The following USP34 variants were observed in gnomAD, a reference collection of about 807,000 sequenced individuals.
USP34 encodes ubiquitin specific peptidase 34.
Under a neutral mutation model 460.3 loss-of-function variants are expected in USP34, and 70 were observed. The observed-to-expected ratio is 0.15, with a 90% CI of 0.13 to 0.19. The LOEUF is 0.19. Among genes scored for constraint, USP34 ranks in the 10% least tolerant of loss-of-function variants. USP34 has a pLI of 1.00. For missense variants in USP34, 3,985 were observed against 4,236.2 expected (o/e 0.94, Z 1.65); for synonymous variants, 1,647 against 1,405.3 (o/e 1.17, Z -3.85).
At chr2:61,348,620 C>G (rs978365850) in intron 14 of USP34, 136 bp downstream of exon 14, 1 of 1,440,186 alleles carries the variant, frequency 6.9e-7, no homozygotes, top group Admixed American at 2.7e-5. Flanking sequence ...GAATTAAAAA[C>G]TCAAAGGATG....
chr2:61,397,521 T>G (rs1693572714), intron 3 of USP34, among the ~76,000 whole-genome samples: 2 of 151,784 alleles, frequency 1.3e-5, no homozygotes, highest in Non-Finnish European at 2.9e-5. Flanking sequence ...ATCCCAGCAC[T>G]TTGGGAGGCC....
At chr2:61,251,696 C>G (rs1042375684) in intron 48 of USP34, among the ~76,000 whole-genome samples, 1 of 152,032 alleles carries the variant, frequency 6.6e-6, no homozygotes, top group Non-Finnish European at 1.5e-5. Flanking sequence ...CAGCTTTATT[C>G]TAAGCAAATT....
chr2:61,411,656 T>C (rs1694043566), intron 2 of USP34, among the ~76,000 whole-genome samples: 2 of 152,090 alleles, frequency 1.3e-5, no homozygotes, highest in Non-Finnish European at 2.9e-5. Context: ...CCTTCTAGAG[T>C]GTTCTTAGTT....
intron 3 of USP34, among the ~76,000 whole-genome samples, chr2:61,399,175 C>T (rs933857915): frequency 6.6e-6 from 1 of 151,870 alleles, no homozygotes; most frequent in Non-Finnish European, 1.5e-5. Context: ...ATGGTCTCTA[C>T]TAAAACTACA....
intron 27 of USP34, among the ~76,000 whole-genome samples, chr2:61,310,041 AAAAAC>A (rs1431631660): frequency 1.3e-5 from 2 of 152,220 alleles, no homozygotes; most frequent in African/African-American, 4.8e-5. Context: ...AGAACACTAA[AAAAAC>A]AAATTCAAAA....
intron 20 of USP34, among the ~76,000 whole-genome samples, chr2:61,326,092 CAA>C (rs767773814): frequency 2.6e-5 from 4 of 151,856 alleles, no homozygotes; most frequent in Non-Finnish European, 1.5e-5. Context: ...TGGTCGGCCC[CAA>C]AGTCAGAAAG....
chr2:61,461,303 G>C (rs1174908542), intron 1 of USP34, among the ~76,000 whole-genome samples: 3 of 150,928 alleles, frequency 2.0e-5, no homozygotes, highest in Admixed American at 6.6e-5. Flanking sequence ...TGAGGCAGGA[G>C]AATCACTTGA....
chr2:61,451,695 A>T (rs1259298915), intron 1 of USP34, among the ~76,000 whole-genome samples: 1 of 151,890 alleles, frequency 6.6e-6, no homozygotes, highest in Non-Finnish European at 1.5e-5. Context: ...AAAAAAAAAC[A>T]AAAAAACAAA....
chr2:61,396,175 C>T (rs1162890202), intron 3 of USP34, among the ~76,000 whole-genome samples: 1 of 151,944 alleles, frequency 6.6e-6, no homozygotes, highest in African/African-American at 2.4e-5. Flanking sequence ...TTTGAAACTG[C>T]TTTGGAATTC....
intron 68 of USP34, among the ~76,000 whole-genome samples, chr2:61,212,483 A>C (rs1263818845): frequency 1.3e-5 from 2 of 152,198 alleles, no homozygotes; most frequent in Non-Finnish European, 2.9e-5. Context: ...ATATGAGGTA[A>C]ACCTTTGTTC....
intron 75 of USP34, among the ~76,000 whole-genome samples, chr2:61,196,957 A>G (rs1455959989): frequency 6.6e-6 from 1 of 152,214 alleles, no homozygotes; most frequent in Non-Finnish European, 1.5e-5. Flanking sequence ...GTATTCTGTT[A>G]TAAGTATCTC....
At chr2:61,188,837 TA>T (rs1334418929) in intron 79 of USP34, 72 bp downstream of exon 79, 36 of 1,585,262 alleles carry the variant, frequency 2.3e-5, no homozygotes, top group Non-Finnish European at 2.8e-5. Context: ...ACACAACTCT[TA>T]AACCAGTTAC....
rs1198117325 is a variant in USP34 at position 61,288,880 on chromosome 2, G to A, written c.4549-3C>T. ...CAAGCAAGACAGTCTAGCTGCCACT[G>A]TAAATGAGAAGAAATAGTCAATTCC... On this transcript the variant is annotated splice_polypyrimidine_tract_variant and splice_region_variant and intron_variant, in intron 33 of 79. Coordinates refer to ENST00000398571, the MANE Select transcript of USP34 (RefSeq NM_014709.4). 5 of 1,611,526 alleles carry A rather than the reference G, an allele frequency of 3.1e-6. No homozygotes were observed. Among genetic ancestry groups the A allele is most frequent in the Middle Eastern group, 1.7e-4 (1 of 6,060 alleles).
At chr2:61,419,803 T>C (rs1054615815) in intron 2 of USP34, among the ~76,000 whole-genome samples, 1 of 152,180 alleles carries the variant, frequency 6.6e-6, no homozygotes, top group African/African-American at 2.4e-5. Flanking sequence ...ATAAACATAT[T>C]AGTATTATGC....
chr2:61,244,458 T>C (rs1249338787), intron 51 of USP34, among the ~76,000 whole-genome samples: 1 of 151,790 alleles, frequency 6.6e-6, no homozygotes, highest in Non-Finnish European at 1.5e-5. Flanking sequence ...CTACTAAAAA[T>C]ACAAAAATTG....
chr2:61,332,325 C>CA (rs1234740024), intron 19 of USP34, among the ~76,000 whole-genome samples: 3 of 152,022 alleles, frequency 2.0e-5, no homozygotes, highest in Admixed American at 1.3e-4. Flanking sequence ...TTACTGATGT[C>CA]AAATAACCAC....
chr2:61,461,709 C>A (rs1475171361), intron 1 of USP34, among the ~76,000 whole-genome samples: 1 of 152,132 alleles, frequency 6.6e-6, no homozygotes, highest in Non-Finnish European at 1.5e-5. Flanking sequence ...AGTGCCCTTA[C>A]ACAGGCACGA....
At chr2:61,448,943 T>G (rs1383973942) in intron 1 of USP34, among the ~76,000 whole-genome samples, 1 of 152,164 alleles carries the variant, frequency 6.6e-6, no homozygotes, top group African/African-American at 2.4e-5. Flanking sequence ...TCACCTGAGG[T>G]TGGGAGTTCG....
In USP34 at chr2:61,222,608, T is replaced by C. The variant is rs1687618653; in HGVS notation, c.7794+11A>G. On this transcript the variant is annotated intron_variant, in intron 65 of 79. Coordinates refer to ENST00000398571, the MANE Select transcript of USP34 (RefSeq NM_014709.4). ...TGTTTTAAAAACATAAATTAACAAA[T>C]GTTTACATACCTCAGGAGTCAACTT... 2 of 1,607,812 alleles carry C rather than the reference T, an allele frequency of 1.2e-6. No individual in the cohort carries two copies. Among genetic ancestry groups the C allele is most frequent in the Non-Finnish European group, 1.7e-6 (2 of 1,175,384 alleles).
Sources: gnomAD v4.1 joint callset for allele counts (sites outside exome capture counted in the v4.1 genomes callset) on GRCh38, gnomAD v4.1.1 for gene constraint, MANE v1.5 for transcripts, NCBI Gene and HGNC (gene_info 2026-07-23, HGNC 2026-07-21) for gene names.